GALNT13: variants seen among roughly 807,000 people sequenced by gnomAD.
GALNT13 encodes the protein UDP-GalNAc:polypeptide N-acetylgalactosaminyltransferase 13.
In GALNT13, 28 loss-of-function variants were observed where a neutral mutation model predicts 64.2. The observed-to-expected ratio is 0.44, with a 90% CI of 0.32 to 0.60. The LOEUF is 0.60. Among genes scored for constraint, GALNT13 ranks in the 20% least tolerant of loss-of-function variants. GALNT13 has a pLI of 0.05. For missense variants in GALNT13, 577 were observed against 669.8 expected (o/e 0.86, Z 1.53); for synonymous variants, 214 against 224.6 (o/e 0.95, Z 0.42).
intron 2 of GALNT13, among the ~76,000 whole-genome samples, chr2:153,912,039 T>C (rs912924756): frequency 1.3e-5 from 2 of 152,130 alleles, no homozygotes; most frequent in Non-Finnish European, 2.9e-5. Flanking sequence ...TTCAGGGATG[T>C]CAATGTCATA....
At chr2:153,761,002 T>C in the GALNT13 span, among the ~76,000 whole-genome samples, 1 of 152,164 alleles carries the variant, frequency 6.6e-6, no homozygotes, top group Non-Finnish European at 1.5e-5. Flanking sequence ...CTTTTTTTAC[T>C]GTGTTTGATT....
At chr2:153,562,145 ATAT>A in the GALNT13 span, among the ~76,000 whole-genome samples, 3 of 149,440 alleles carry the variant, frequency 2.0e-5, no homozygotes, top group Non-Finnish European at 3.0e-5. Context: ...AGGCATATAA[ATAT>A]TATTTTTTTC....
At chr2:154,193,759 G>A (rs1202001072) in intron 4 of GALNT13, among the ~76,000 whole-genome samples, 1 of 152,182 alleles carries the variant, frequency 6.6e-6, no homozygotes, top group Non-Finnish European at 1.5e-5. Flanking sequence ...GTGTGAGCAA[G>A]CTTCTTGGGT....
chr2:154,399,108 T>C (rs979224362), intron 10 of GALNT13, among the ~76,000 whole-genome samples: 10 of 152,180 alleles, frequency 6.6e-5, no homozygotes, highest in Admixed American at 5.9e-4. Context: ...TCATTCAAAA[T>C]GTTTTTATTA....
At chr2:153,801,682 C>T in the GALNT13 span, among the ~76,000 whole-genome samples, 1,438 of 152,154 alleles carry the variant, frequency 9.5e-3, 23 homozygotes, top group African/African-American at 0.033. Context: ...TGAGAATAAA[C>T]TAAATGTGAC....
At chr2:153,854,538 A>G in the GALNT13 span, among the ~76,000 whole-genome samples, 132,567 of 152,014 alleles carry the variant, frequency 0.87, 58,752 homozygotes, top group Middle Eastern at 0.95. Context: ...CTGAGATCGC[A>G]CCATTGCAGT....
At chr2:153,925,292 C>G (rs182345942) in intron 2 of GALNT13, among the ~76,000 whole-genome samples, 16 of 152,206 alleles carry the variant, frequency 1.1e-4, no homozygotes, top group Admixed American at 2.0e-4. Context: ...TGTCCCAGCA[C>G]TATTTATTAA....
intron 10 of GALNT13, among the ~76,000 whole-genome samples, chr2:154,407,317 C>A (rs959034444): frequency 6.6e-6 from 1 of 152,042 alleles, no homozygotes; most frequent in African/African-American, 2.4e-5. Flanking sequence ...AACTAAATAG[C>A]AATAATGTAT....
At chr2:153,178,364 A>C in the GALNT13 span, among the ~76,000 whole-genome samples, 38 of 152,234 alleles carry the variant, frequency 2.5e-4, no homozygotes, top group Non-Finnish European at 3.7e-4. Flanking sequence ...ATCTTAGCGA[A>C]CACGTTTTCT....
At chr2:153,916,178 T>TA (rs1689332409) in intron 2 of GALNT13, among the ~76,000 whole-genome samples, 3 of 150,916 alleles carry the variant, frequency 2.0e-5, no homozygotes, top group Admixed American at 6.6e-5. Context: ...TTTTTTTTTT[T>TA]ATAAGGTCTT....
intron 8 of GALNT13, among the ~76,000 whole-genome samples, chr2:154,273,291 C>A (rs748969666): frequency 7.9e-5 from 12 of 152,154 alleles, no homozygotes; most frequent in Non-Finnish European, 1.3e-4. Flanking sequence ...CAGGAAGCAT[C>A]TATCTATGCA....
chr2:153,607,164 C>T, the GALNT13 span, among the ~76,000 whole-genome samples: 1 of 152,062 alleles, frequency 6.6e-6, no homozygotes, highest in East Asian at 1.9e-4. Flanking sequence ...GCCACTGAAA[C>T]CCTGGATTGA....
chr2:153,874,369 C>T (rs1686211219), intron 1 of GALNT13, among the ~76,000 whole-genome samples: 1 of 151,818 alleles, frequency 6.6e-6, no homozygotes, highest in African/African-American at 2.4e-5. Context: ...TTTATTTCAC[C>T]ATTTCTGTGA....
chr2:153,204,006 G>A, the GALNT13 span, among the ~76,000 whole-genome samples: 1 of 152,186 alleles, frequency 6.6e-6, no homozygotes, highest in Non-Finnish European at 1.5e-5. Flanking sequence ...AAGAGATGAA[G>A]AGATCAGTAT....
At chr2:153,660,579 G>T in the GALNT13 span, among the ~76,000 whole-genome samples, 1 of 148,944 alleles carries the variant, frequency 6.7e-6, no homozygotes, top group Non-Finnish European at 1.5e-5. Context: ...ATATTATGGA[G>T]GATGTATATA....
intron 11 of GALNT13, chr2:154,437,596 C>G: frequency 8.2e-7 from 1 of 1,226,328 alleles, no homozygotes; most frequent in Non-Finnish European, 1.1e-6. Flanking sequence ...GCGGCTCACA[C>G]CTGTAATCCC....
chr2:154,274,878 G>T (rs1691554319), intron 8 of GALNT13, among the ~76,000 whole-genome samples: 1 of 152,108 alleles, frequency 6.6e-6, no homozygotes, highest in Non-Finnish European at 1.5e-5. Context: ...AAGTTTGGAA[G>T]TTCCTAGAGA....
At chr2:153,609,940 G>A in the GALNT13 span, among the ~76,000 whole-genome samples, 1 of 152,060 alleles carries the variant, frequency 6.6e-6, no homozygotes, top group African/African-American at 2.4e-5. Context: ...GAGCTAAAAG[G>A]ACCTTGGCAG....
chr2:153,620,351 T>C, the GALNT13 span, among the ~76,000 whole-genome samples: 1 of 152,026 alleles, frequency 6.6e-6, no homozygotes, highest in Non-Finnish European at 1.5e-5. Context: ...CTTGAACACC[T>C]GGTCTCAAGT....
Sources: allele counts gnomAD v4.1 joint callset (sites outside exome capture counted in the v4.1 genomes callset), GRCh38; gene constraint gnomAD v4.1.1; transcripts MANE v1.5; gene names NCBI Gene and HGNC (gene_info 2026-07-23, HGNC 2026-07-21).